The following ZC2HC1A variants were observed in gnomAD, a reference collection of about 807,000 sequenced individuals.
ZC2HC1A encodes the protein zinc finger C2HC-type containing 1A.
A neutral mutation model predicts 40.7 loss-of-function variants in ZC2HC1A; 28 were observed. The observed-to-expected ratio is 0.69, with a 90% confidence interval of 0.51 to 0.94. The LOEUF is 0.94. ZC2HC1A is among the 40% of genes least tolerant of loss of function. The pLI is 0.00. For missense variants in ZC2HC1A, 389 were observed against 386.3 expected (o/e 1.01, Z -0.06); for synonymous variants, 129 against 129.2 (o/e 1.00, Z 0.01).
intron 1 of ZC2HC1A, among the ~76,000 whole-genome samples, chr8:78,666,835 T>G (rs1174200837): frequency 1.3e-5 from 2 of 152,172 alleles, no homozygotes; most frequent in Non-Finnish European, 2.9e-5. Context: ...TAACCATGAC[T>G]CCAGATTTTG....
At chr8:78,691,288 C>T (rs891618891) in intron 5 of ZC2HC1A, among the ~76,000 whole-genome samples, 1 of 152,064 alleles carries the variant, frequency 6.6e-6, no homozygotes, top group Non-Finnish European at 1.5e-5. Flanking sequence ...TTGAAGTTCT[C>T]TTATTGTTTG....
At chr8:78,666,538 T>C (rs1809303755) in intron 1 of ZC2HC1A, among the ~76,000 whole-genome samples, 1 of 152,214 alleles carries the variant, frequency 6.6e-6, no homozygotes, top group Non-Finnish European at 1.5e-5. Flanking sequence ...TCTCCATTAT[T>C]GTCCACGGCC....
At chr8:78,674,255 G>T (rs566133698) in intron 1 of ZC2HC1A, among the ~76,000 whole-genome samples, 57 of 152,188 alleles carry the variant, frequency 3.7e-4, no homozygotes, top group African/African-American at 1.3e-3. Flanking sequence ...ATAAGATTTT[G>T]CTTTGTCATC....
At chr8:78,692,827 A>G (rs1186794082) in intron 5 of ZC2HC1A, among the ~76,000 whole-genome samples, 1 of 152,000 alleles carries the variant, frequency 6.6e-6, no homozygotes, top group Non-Finnish European at 1.5e-5. Context: ...GGTGTGCTGC[A>G]CCCATTAACT....
intron 5 of ZC2HC1A, among the ~76,000 whole-genome samples, chr8:78,690,794 T>C (rs926649528): frequency 6.6e-6 from 1 of 152,224 alleles, no homozygotes; most frequent in African/African-American, 2.4e-5. Flanking sequence ...GTATATTATA[T>C]AGGTCATACA....
rs1389713089 is a variant in ZC2HC1A at position 78,666,268 on chromosome 8, G to T, written c.16+104G>T. 4 of 1,517,394 alleles carry T rather than the reference G, an allele frequency of 2.6e-6. No individual in the cohort carries two copies. In the African/African-American group the frequency reaches 4.1e-5, roughly 16 times the overall value. 94.0% of individuals were successfully genotyped at this position (1,517,394 alleles called of 1,614,324 possible). A position where few individuals can be genotyped will look rare whatever the true frequency, so the allele number is the denominator to read the frequency against. ...AAGGCGAGGGCTGGTTCGGTGCGGC[G>T]GACCTCGCCGCGTCCCGCCGCGCCT... On this transcript the variant is annotated intron_variant, in intron 1 of 8. Coordinates refer to ENST00000263849, the MANE Select transcript of ZC2HC1A (RefSeq NM_016010.3).
At chr8:78,712,117 G>A (rs1482468156) in intron 7 of ZC2HC1A, 2 of 1,265,406 alleles carry the variant, frequency 1.6e-6, no homozygotes, top group African/African-American at 1.5e-5. Context: ...GTAAGTATTT[G>A]TAACTCAGTT....
At position 78,719,515 on chromosome 8, in the gene ZC2HC1A, TAAAA is replaced by T. The variant is rs149516924; in HGVS notation, c.*2027_*2030del. The T allele has an allele frequency of 6.6e-6, 1 of 151,692 alleles. No individual in the cohort carries two copies. Among genetic ancestry groups the T allele is most frequent in the Non-Finnish European group, 1.5e-5 (1 of 67,696 alleles). The allele number at this position is 151,692 out of a possible 1,614,324, so 9.4% of individuals were successfully genotyped here. A position where few individuals can be genotyped will look rare whatever the true frequency, so the allele number is the denominator to read the frequency against. On this transcript the variant is annotated 3_prime_UTR_variant, in exon 9 of 9. Coordinates refer to ENST00000263849, the MANE Select transcript of ZC2HC1A (RefSeq NM_016010.3). ...ATTGATTTGTGCAATAGTTCAGTTT[TAAAA>T]AAAATCTTCCTATGCATCATGTATT...
At chr8:78,701,141 A>G (rs1810589496) in intron 7 of ZC2HC1A, among the ~76,000 whole-genome samples, 1 of 152,062 alleles carries the variant, frequency 6.6e-6, no homozygotes, top group East Asian at 1.9e-4. Context: ...ATATTTTTTC[A>G]TTTATTTGTG....
rs114005149 is a variant in ZC2HC1A, at chr8:78,682,423, G to A, written c.210+3744G>A. On this transcript the variant is annotated intron_variant, in intron 3 of 8. Transcript: ENST00000263849. ...AGGAGGCCTCACATCATGGTGGAAG[G>A]TGAAGAAGGAACAAAGTCACATCTT... Among the ~76,000 whole-genome samples the A allele has an allele frequency of 8.7e-3, 1,324 of 152,256 alleles. 17 individuals are homozygous for A. Among genetic ancestry groups the A allele is most frequent in the African/African-American group, 0.031 (1,267 of 41,494 alleles).
chr8:78,689,247 G>T lies in ZC2HC1A; in HGVS notation c.378G>T (p.Gln126His), dbSNP rs1810127733. ...ATTATATTCAATGTCCATATTGTCA[G>T]AGGAGATTCAATGAAAATGCAGCTG... The part of the protein sequence containing the change: ...DPDYIQCPYC[Q>H]RRFNENAADR... Residue 126 changes from glutamine (Q) to histidine (H), a missense_variant, in exon 5 of 9, where the codon CAG becomes CAT. Coordinates refer to ENST00000263849, the MANE Select transcript of ZC2HC1A (RefSeq NM_016010.3). 2 of 1,588,738 alleles carry T rather than the reference G, an allele frequency of 1.3e-6. No homozygotes were observed. The highest frequency in any genetic ancestry group is 1.7e-6 in the Non-Finnish European group (2 of 1,167,574).
At chr8:78,668,853 G>A (rs1809370965) in intron 1 of ZC2HC1A, among the ~76,000 whole-genome samples, 1 of 152,160 alleles carries the variant, frequency 6.6e-6, no homozygotes, top group South Asian at 2.1e-4. Context: ...GTAAAATGGA[G>A]AGATGGTAAA....
intron 5 of ZC2HC1A, 144 bp downstream of exon 5, chr8:78,689,517 G>T: frequency 1.4e-6 from 1 of 722,840 alleles, no homozygotes; most frequent in Non-Finnish European, 2.0e-6. Context: ...TATAAAAGTT[G>T]TATGCTTTTA....
At chr8:78,689,514 G>GCATACAACTT in intron 5 of ZC2HC1A, 141 bp downstream of exon 5, 2 of 746,242 alleles carry the variant, frequency 2.7e-6, no homozygotes, top group East Asian at 3.4e-5. Flanking sequence ...ATCTATAAAA[G>GCATACAACTT]TTGTATGCTT....
intron 3 of ZC2HC1A, among the ~76,000 whole-genome samples, chr8:78,680,648 G>T (rs931284202): frequency 5.9e-5 from 9 of 152,132 alleles, no homozygotes; most frequent in Admixed American, 3.9e-4. Context: ...CAAAAGGTAG[G>T]CATAATTCAT....
At chr8:78,679,485 T>G (rs1809692432) in intron 3 of ZC2HC1A, 1 of 152,176 alleles carries the variant, frequency 6.6e-6, no homozygotes, top group South Asian at 2.1e-4. Context: ...TACTTTTTAT[T>G]GTTATATGGT....
intron 5 of ZC2HC1A, among the ~76,000 whole-genome samples, chr8:78,689,712 G>T (rs983754427): frequency 1.3e-5 from 2 of 151,860 alleles, no homozygotes; most frequent in African/African-American, 4.8e-5. Flanking sequence ...CATATTCTTG[G>T]TCTTTTCTCA....
At chr8:78,686,290 T>C (rs1246945485) in intron 3 of ZC2HC1A, among the ~76,000 whole-genome samples, 177 bp from the exon 4 acceptor site, 2 of 152,138 alleles carry the variant, frequency 1.3e-5, no homozygotes, top group Non-Finnish European at 2.9e-5. Flanking sequence ...GAATATAAAA[T>C]TGCAATGTAG....
In ZC2HC1A at chr8:78,686,654, A is replaced by G. The variant is rs1209601630; in HGVS notation, c.352+46A>G. On this transcript the variant is annotated intron_variant, in intron 4 of 8. Transcript: ENST00000263849. ...AGAAATGTTCATGTGGAAAGAAAAT[A>G]ATGATAGAGTTTTTATAAATTTTCA... is the stretch of plus-strand genomic sequence containing the variant. 6 of 1,411,902 alleles carry G rather than the reference A, an allele frequency of 4.2e-6. No individual in the cohort carries two copies. The African/African-American group carries it at 8.9e-5, about 21-fold the overall frequency. The allele number at this position is 1,411,902 out of a possible 1,614,324, so 87.5% of individuals were successfully genotyped here.
Sources: gnomAD v4.1 joint callset for allele counts (sites outside exome capture counted in the v4.1 genomes callset) on GRCh38, gnomAD v4.1.1 for gene constraint, MANE v1.5 for transcripts, NCBI Gene and HGNC (gene_info 2026-07-23, HGNC 2026-07-21) for gene names.